The following KCNQ1 variants were observed in gnomAD, a reference collection of about 807,000 sequenced individuals.
The protein encoded by KCNQ1 is potassium voltage-gated channel subfamily Q member 1.
In KCNQ1, 49 loss-of-function variants were observed where a neutral mutation model predicts 72.4. The ratio of observed to expected loss-of-function variants is 0.68; its 90% CI spans 0.54 to 0.86. The LOEUF is 0.86. Among genes scored for constraint, KCNQ1 ranks in the 40% least tolerant of loss-of-function variants. The pLI, the probability that KCNQ1 is intolerant of heterozygous loss-of-function variation, is 0.00. For missense variants in KCNQ1, 790 were observed against 945.1 expected (o/e 0.84, Z 2.15); for synonymous variants, 450 against 412.6 (o/e 1.09, Z -1.10).
At chr11:2,758,010 A>G (rs947009884) in intron 11 of KCNQ1, among the ~76,000 whole-genome samples, 12 of 152,244 alleles carry the variant, frequency 7.9e-5, no homozygotes, top group East Asian at 1.9e-4. Context: ...AAGGGCAAAC[A>G]GTTCTCACAT....
At chr11:2,453,172 G>A (rs1846138889) in intron 1 of KCNQ1, among the ~76,000 whole-genome samples, 1 of 152,184 alleles carries the variant, frequency 6.6e-6, no homozygotes, top group Non-Finnish European at 1.5e-5. Context: ...TCGGGAGTTC[G>A]AGACCAGCCT....
intron 2 of KCNQ1, among the ~76,000 whole-genome samples, chr11:2,530,445 GGT>G (rs779817976): frequency 3.9e-5 from 6 of 152,238 alleles, no homozygotes; most frequent in Non-Finnish European, 5.9e-5. Context: ...GGATGCCAGT[GGT>G]TCCCAGGCTG....
At chr11:2,800,302 G>A (rs1286626433) in intron 15 of KCNQ1, among the ~76,000 whole-genome samples, 2 of 152,258 alleles carry the variant, frequency 1.3e-5, no homozygotes, top group Non-Finnish European at 2.9e-5. Context: ...TGCAAAGAGG[G>A]GGCTGACAGC....
In KCNQ1 at chr11:2,661,359, G is replaced by A. The variant is rs1024847127; in HGVS notation, c.1394-602G>A. 3 of 405,998 alleles carry A rather than the reference G, an allele frequency of 7.4e-6. No individual in the cohort carries two copies. The highest frequency in any genetic ancestry group is 1.3e-5 in the Non-Finnish European group (3 of 229,968). 25.1% of individuals were successfully genotyped at this position (405,998 alleles called of 1,614,324 possible). ...TGAGCTCCTGTGTCAAAGTTGCAGA[G>A]GTGGGCCCAGGAATCATAATGTGAA... On this transcript the variant is annotated intron_variant, in intron 10 of 15. Transcript: ENST00000155840. This position sits in a 1 kb window ranked among gnomAD's most constrained non-coding sequence, Gnocchi z 5.9.
rs1263424100 is a variant in KCNQ1, at chr11:2,679,598, G to A, written c.1514+17517G>A. On this transcript the variant is annotated intron_variant, in intron 11 of 15. Transcript: ENST00000155840. This position sits in a 1 kb window ranked among gnomAD's most constrained non-coding sequence, Gnocchi z 4.8. ...CACAGTGCCTGACAAAGCTGATGGG[G>A]AGGCGAGTTGGAATGAATAGTATCA... The A allele has an allele frequency of 2.5e-6, 1 of 398,504 alleles. No individual in the cohort carries two copies. Among genetic ancestry groups the A allele is most frequent in the African/African-American group, 2.1e-5 (1 of 48,630 alleles). The allele number at this position is 398,504 out of a possible 1,614,324, so 24.7% of individuals were successfully genotyped here. A position where few individuals can be genotyped will look rare whatever the true frequency, so the allele number is the denominator to read the frequency against.
At chr11:2,716,602 G>A (rs1002925428) in intron 11 of KCNQ1, among the ~76,000 whole-genome samples, 1 of 152,222 alleles carries the variant, frequency 6.6e-6, no homozygotes, top group Non-Finnish European at 1.5e-5. Context: ...TGCAGGGCCT[G>A]GTGGAATTCC....
chr11:2,467,300 G>T (rs1472304821), intron 1 of KCNQ1, among the ~76,000 whole-genome samples: 1 of 152,184 alleles, frequency 6.6e-6, no homozygotes, highest in Non-Finnish European at 1.5e-5. Context: ...CGGCAGGGAG[G>T]CAGGGGCCCA....
chr11:2,662,095 T>C lies in KCNQ1; in HGVS notation c.1514+14T>C. On this transcript the variant is annotated intron_variant, in intron 11 of 15. Transcript: ENST00000155840. ...CCACATCTCACAGTGAGTGCCTACA[T>C]GTGCGTGAAGGGCTGGGCTGGAGGG... 6.2e-7 allele frequency: 1 copy of C among 1,614,098 alleles called. No homozygotes were observed. The highest frequency in any genetic ancestry group is 2.2e-5 in the East Asian group (1 of 44,866).
At chr11:2,843,974 C>T (rs930558213) in intron 15 of KCNQ1, among the ~76,000 whole-genome samples, 27 of 152,162 alleles carry the variant, frequency 1.8e-4, no homozygotes, top group Middle Eastern at 3.2e-3. Flanking sequence ...CTTGGGGAAC[C>T]GGCCCCAGTG....
In KCNQ1 at chr11:2,665,000, C is replaced by T. The variant is rs1407261640; in HGVS notation, c.1514+2919C>T. The T allele has an allele frequency of 4.8e-5, 19 of 398,536 alleles. No individual in the cohort carries two copies. Among genetic ancestry groups the T allele is most frequent in the Admixed American group, 1.3e-4 (3 of 22,702 alleles). The allele number at this position is 398,536 out of a possible 1,614,324, so 24.7% of individuals were successfully genotyped here. On this transcript the variant is annotated intron_variant, in intron 11 of 15. Coordinates refer to ENST00000155840, the MANE Select transcript of KCNQ1 (RefSeq NM_000218.3). The surrounding 1 kb of genome is among the most constrained non-coding windows in gnomAD (Gnocchi z 5.1). ...TGGGGCTGGGCGAAGCTCCTCTTTC[C>T]GGGGCCTGTTAGCCAGAGGTGGGGT...
chr11:2,706,776 T>G (rs1442450071), intron 11 of KCNQ1, among the ~76,000 whole-genome samples: 2 of 152,174 alleles, frequency 1.3e-5, no homozygotes, highest in East Asian at 3.9e-4. Context: ...GAGTTTGAAC[T>G]CTGCCCACCA....
In KCNQ1 at chr11:2,674,891, A is replaced by C. The variant is rs944340501; in HGVS notation, c.1514+12810A>C. On this transcript the variant is annotated intron_variant, in intron 11 of 15. Coordinates refer to ENST00000155840, the MANE Select transcript of KCNQ1 (RefSeq NM_000218.3). The surrounding 1 kb of genome is among the most constrained non-coding windows in gnomAD (Gnocchi z 5.9). ...CTGGGCACCTTGGCTGCAGGGTCTG[A>C]AAAGTCCTTTGTGTTAGCTCCAGCT... The C allele has an allele frequency of 2.5e-6, 1 of 396,046 alleles. No homozygotes were observed. The highest frequency in any genetic ancestry group is 2.1e-5 in the African/African-American group (1 of 47,760). 24.5% of individuals were successfully genotyped at this position (396,046 alleles called of 1,614,324 possible).
In KCNQ1 at chr11:2,818,868, G is replaced by C. The variant is rs764254375; in HGVS notation, c.1795-28899G>C. Reference sequence around the variant, plus strand: ...TTAGCTGCTCTTCCCCCAACCCCCAGGCCCAGCAGAATCACATCTAGGAGA... The same window carrying C: ...TTAGCTGCTCTTCCCCCAACCCCCACGCCCAGCAGAATCACATCTAGGAGA... On this transcript the variant is annotated intron_variant, in intron 15 of 15. Coordinates refer to ENST00000155840, the MANE Select transcript of KCNQ1 (RefSeq NM_000218.3). This position sits in a 1 kb window ranked among gnomAD's most constrained non-coding sequence, Gnocchi z 7.2. Among the ~76,000 whole-genome samples the C allele has an allele frequency of 1.3e-5, 2 of 151,962 alleles. No homozygotes were observed. The highest frequency in any genetic ancestry group is 4.8e-5 in the African/African-American group (2 of 41,370).
At chr11:2,619,298 G>A (rs776953774) in intron 10 of KCNQ1, 19 of 398,298 alleles carry the variant, frequency 4.8e-5, no homozygotes, top group East Asian at 7.1e-5. Context: ...TGATTATAAC[G>A]TTAGCTGTGG....
intron 2 of KCNQ1, among the ~76,000 whole-genome samples, chr11:2,569,100 G>A (rs1442397303): frequency 6.6e-6 from 1 of 152,130 alleles, no homozygotes; most frequent in Non-Finnish European, 1.5e-5. Context: ...TGATCAGGCT[G>A]GTCTTGAACT....
In KCNQ1 at chr11:2,620,718, G is replaced by C. The variant is rs150282050; in HGVS notation, c.1393+31864G>C. Reference sequence around the variant, plus strand: ...TGAATATATATCCAGTAATGGGATTGCTGGGTCAGATGGTAGTTCTGTTTT... The same window carrying C: ...TGAATATATATCCAGTAATGGGATTCCTGGGTCAGATGGTAGTTCTGTTTT... On this transcript the variant is annotated intron_variant, in intron 10 of 15. Coordinates refer to ENST00000155840, the MANE Select transcript of KCNQ1 (RefSeq NM_000218.3). This position sits in a 1 kb window ranked among gnomAD's most constrained non-coding sequence, Gnocchi z 4.5. 1 of 398,470 alleles carries C rather than the reference G, an allele frequency of 2.5e-6. No individual in the cohort carries two copies. The highest frequency in any genetic ancestry group is 4.4e-5 in the Admixed American group (1 of 22,710). 24.7% of individuals were successfully genotyped at this position (398,470 alleles called of 1,614,324 possible). A position where few individuals can be genotyped will look rare whatever the true frequency, so the allele number is the denominator to read the frequency against.
At chr11:2,721,386 C>T (rs1248638565) in intron 11 of KCNQ1, among the ~76,000 whole-genome samples, 2 of 152,198 alleles carry the variant, frequency 1.3e-5, no homozygotes, top group South Asian at 2.1e-4. Flanking sequence ...CGCTTTGTAG[C>T]GAGGCCGCTG....
At chr11:2,776,715 C>A (rs1167836204) in intron 13 of KCNQ1, among the ~76,000 whole-genome samples, 1 of 152,212 alleles carries the variant, frequency 6.6e-6, no homozygotes, top group Non-Finnish European at 1.5e-5. Flanking sequence ...CATGGCTGAT[C>A]CACTGCCTCC....
intron 11 of KCNQ1, among the ~76,000 whole-genome samples, chr11:2,718,873 G>A (rs1305253065): frequency 6.6e-6 from 1 of 152,210 alleles, no homozygotes; most frequent in Non-Finnish European, 1.5e-5. Flanking sequence ...GGCCTGTAAG[G>A]GCCTTCATGT....
Sources: allele counts gnomAD v4.1 joint callset (sites outside exome capture counted in the v4.1 genomes callset), GRCh38; gene constraint gnomAD v4.1.1; non-coding constraint Gnocchi (gnomAD v3.1); transcripts MANE v1.5; gene names NCBI Gene and HGNC (gene_info 2026-07-23, HGNC 2026-07-21).